The following USP50 variants were observed in gnomAD, a reference collection of about 807,000 sequenced individuals.
USP50 encodes ubiquitin specific peptidase 50.
A neutral mutation model predicts 39.2 loss-of-function variants in USP50; 37 were observed. The observed-to-expected ratio is 0.94, with a 90% CI of 0.73 to 1.24. USP50 has a LOEUF of 1.24. Among genes scored for constraint, USP50 ranks in the 50% most tolerant of loss-of-function variants. The pLI is 0.00. For synonymous variants in USP50, 139 were observed against 144.5 expected (o/e 0.96, Z 0.27); for missense variants, 374 against 398.2 (o/e 0.94, Z 0.52).
chr15:50,508,552 C>T (rs933775194), intron 6 of USP50: 1 of 151,982 alleles, frequency 6.6e-6, no homozygotes, highest in African/African-American at 2.4e-5. Context: ...ACACTGGACA[C>T]TCAGTTTAAA....
chr15:50,520,617 G>A (rs1021530549), intron 6 of USP50, among the ~76,000 whole-genome samples: 3 of 150,898 alleles, frequency 2.0e-5, no homozygotes, highest in African/African-American at 4.9e-5. Flanking sequence ...TCTCTTCCCC[G>A]CCCCCGCCAA....
chr15:50,513,138 G>A (rs2052759539), intron 6 of USP50: 1 of 152,186 alleles, frequency 6.6e-6, no homozygotes, highest in Non-Finnish European at 1.5e-5. Flanking sequence ...GTAGGGGTAT[G>A]TATTGGTATA....
chr15:50,543,680 G>C lies in USP50; in HGVS notation c.362C>G (p.Pro121Arg). The C allele has an allele frequency of 6.2e-7, 1 of 1,613,362 alleles. No individual in the cohort carries two copies. ...IFWSALGNLYPAFTKKMQQDA... is the reference protein window; with the variant it reads ...IFWSALGNLYRAFTKKMQQDA... ...TTGTTGCATCTTTTTCGTAAATGCT[G>C]GGTAGAGGTTGCCAAGAGCTGACCA... Residue 121 changes from proline to arginine, a missense_variant, in exon 3 of 7, where the codon CCA (proline) becomes CGA (arginine). By Grantham distance (103) the Pro-to-Arg change is moderately radical. Coordinates refer to ENST00000532404, the MANE Select transcript of USP50 (RefSeq NM_203494.5).
chr15:50,539,088 C>G (rs1428416619), intron 4 of USP50, among the ~76,000 whole-genome samples: 1 of 150,740 alleles, frequency 6.6e-6, no homozygotes. Context: ...CACTTATAAT[C>G]TAGAAATCAG....
intron 1 of USP50, among the ~76,000 whole-genome samples, chr15:50,494,964 G>C (rs1038891190): frequency 7.0e-4 from 105 of 150,716 alleles, no homozygotes; most frequent in East Asian, 7.8e-4. Flanking sequence ...GCAGTGAGCC[G>C]AGATTGCAGT....
chr15:50,529,349 T>TAA (rs60643073), intron 6 of USP50, among the ~76,000 whole-genome samples: 2,125 of 134,570 alleles, frequency 0.016, 28 homozygotes, highest in Non-Finnish European at 0.024. Context: ...ATCTCTACTT[T>TAA]AAAAAAAAAA....
In USP50 at chr15:50,525,685, A is replaced by G. The variant is rs1482921115; in HGVS notation, c.936+4112T>C. Among the ~76,000 whole-genome samples, 91 of 130,354 alleles carry G rather than the reference A, an allele frequency of 7.0e-4. 3 individuals carry two copies. The highest frequency in any genetic ancestry group is 6.3e-3 in the Admixed American group (69 of 10,872). The allele number at this position is 130,354 out of a possible 152,430, so 85.5% of individuals were successfully genotyped here. A position where few individuals can be genotyped will look rare whatever the true frequency, so the allele number is the denominator to read the frequency against. On this transcript the variant is annotated intron_variant, in intron 6 of 6. Transcript: ENST00000532404. ...ATATGTATATGTATATATGTATATTATATATGTATATGTATATATATGTAT... is the reference window on the plus strand; with the variant it reads ...ATATGTATATGTATATATGTATATTGTATATGTATATGTATATATATGTAT...
At chr15:50,531,811 T>C (rs1446230767) in intron 5 of USP50, among the ~76,000 whole-genome samples, 6 of 152,184 alleles carry the variant, frequency 3.9e-5, no homozygotes, top group Non-Finnish European at 5.9e-5. Flanking sequence ...TAAGGAAACT[T>C]TGAAGTCACC....
At position 50,543,704 on chromosome 15, in the gene USP50, C is replaced by A. The variant is rs748215611; in HGVS notation, c.338G>T (p.Trp113Leu). The A allele has an allele frequency of 6.2e-7, 1 of 1,612,264 alleles. No homozygotes were observed. The highest frequency in any genetic ancestry group is 1.3e-5 in the African/African-American group (1 of 74,996). Reference sequence around the variant, plus strand: ...TGGGTAGAGGTTGCCAAGAGCTGACCAGAATATTTCTGGTGAGACACAGTC... The same window carrying A: ...TGGGTAGAGGTTGCCAAGAGCTGACAAGAATATTTCTGGTGAGACACAGTC... ...DSDCVSPEIFWSALGNLYPAF... is the reference protein window; with the variant it reads ...DSDCVSPEIFLSALGNLYPAF... The change falls in exon 3 of 7, where the codon TGG becomes TTG. Residue 113 changes from tryptophan (W) to leucine (L), a missense_variant. Coordinates refer to ENST00000532404, the MANE Select transcript of USP50 (RefSeq NM_203494.5).
chr15:50,502,568 C>G (rs2052606304), intron 6 of USP50: 1 of 152,294 alleles, frequency 6.6e-6, no homozygotes, highest in South Asian at 2.1e-4. Flanking sequence ...TGGGGTTTCG[C>G]CGTGTTGGCC....
chr15:50,513,509 G>A (rs1411153629), intron 6 of USP50: 4 of 114,900 alleles, frequency 3.5e-5, no homozygotes, highest in Admixed American at 3.1e-4. Context: ...AGACAAGAGC[G>A]AAACTGTCTA....
At chr15:50,515,627 G>A (rs2052796050) in intron 6 of USP50, among the ~76,000 whole-genome samples, 1 of 142,618 alleles carries the variant, frequency 7.0e-6, no homozygotes, top group South Asian at 2.2e-4. Flanking sequence ...TCTCAATTGT[G>A]ATAATAGATG....
At chr15:50,497,728 T>C (rs2052472331), downstream of USP50, 1 of 152,244 alleles carries the variant, frequency 6.6e-6, no homozygotes, top group Non-Finnish European at 1.5e-5. Flanking sequence ...ACAAGAGTTA[T>C]AAAACACGAA....
Position 50,546,509 on chromosome 15 carries a change from G to A in USP50, c.17C>T (p.Ser6Phe). The change falls in exon 1 of 7, where the codon TCT (serine) becomes TTT (phenylalanine). Residue 6 changes from serine to phenylalanine, a missense_variant. Ser to Phe is a radical substitution (Grantham distance 155, BLOSUM62 -2). Coordinates refer to ENST00000532404, the MANE Select transcript of USP50 (RefSeq NM_203494.5). ...GATATCGAAGTCATCTGCAGGGAGA[G>A]ACGGCTGAGAAGTCATTTTAATGGA... MTSQPSLPADDFDIYH... is the reference protein window; with the variant it reads MTSQPFLPADDFDIYH... 6.2e-7 allele frequency: 1 copy of A among 1,613,726 alleles called. No individual in the cohort carries two copies. Among genetic ancestry groups the A allele is most frequent in the Non-Finnish European group, 8.5e-7 (1 of 1,179,672 alleles).
intron 6 of USP50, among the ~76,000 whole-genome samples, chr15:50,515,730 G>C (rs1454017083): frequency 6.6e-6 from 1 of 151,738 alleles, no homozygotes; most frequent in Non-Finnish European, 1.5e-5. Flanking sequence ...GTAATTTACT[G>C]CATTAATAGA....
At chr15:50,516,966 A>G (rs2052808660) in intron 6 of USP50, among the ~76,000 whole-genome samples, 1 of 152,208 alleles carries the variant, frequency 6.6e-6, no homozygotes, top group Non-Finnish European at 1.5e-5. Flanking sequence ...ATGCAGTAAC[A>G]GTAGGAGACT....
downstream of USP50, chr15:50,499,615 A>T (rs1421759812): frequency 6.6e-6 from 1 of 152,000 alleles, no homozygotes; most frequent in Non-Finnish European, 1.5e-5. Context: ...AGTTAACTTC[A>T]GTGCTTTCTT....
chr15:50,523,161 AT>A (rs2141364782), intron 6 of USP50, among the ~76,000 whole-genome samples: 1 of 146,914 alleles, frequency 6.8e-6, no homozygotes, highest in Non-Finnish European at 1.5e-5. Context: ...AAATCAACAT[AT>A]AAAAATCAGT....
chr15:50,534,382 A>G (rs2052963956), intron 5 of USP50, among the ~76,000 whole-genome samples: 1 of 152,196 alleles, frequency 6.6e-6, no homozygotes, highest in Non-Finnish European at 1.5e-5. Flanking sequence ...AAGGAGAGAA[A>G]ATGGAGTCAT....
Sources: allele counts gnomAD v4.1 joint callset (sites outside exome capture counted in the v4.1 genomes callset), GRCh38; gene constraint gnomAD v4.1.1; transcripts MANE v1.5; gene names NCBI Gene and HGNC (gene_info 2026-07-23, HGNC 2026-07-21).